Variants in ASPDH observed in about 807,000 individuals in gnomAD.
The protein encoded by ASPDH is aspartate dehydrogenase domain-containing protein.
In ASPDH, 25 loss-of-function variants were observed where a neutral mutation model predicts 30.5. That is an observed-to-expected ratio of 0.82 (90% CI 0.60 to 1.14). ASPDH has a LOEUF of 1.14. Ranked by LOEUF, ASPDH falls within the 50% of genes most tolerant of loss-of-function variation. The pLI, the probability that ASPDH is intolerant of heterozygous loss-of-function variation, is 0.00. For missense variants in ASPDH, 401 were observed against 381.5 expected, an observed-to-expected ratio of 1.05 and a Z score of -0.43; for synonymous variants, 168 against 156.3, an observed-to-expected ratio of 1.07 and a Z score of -0.56.
Position 50,512,138 on chromosome 19 carries a change from A to G in ASPDH, c.806T>C (p.Leu269Pro), listed in dbSNP as rs1979946613. 6.4e-6 allele frequency: 10 copies of G among 1,551,904 alleles called. No individual in the cohort carries two copies. The highest frequency in any genetic ancestry group is 8.7e-6 in the Non-Finnish European group (10 of 1,155,092). The part of the protein sequence containing the change: ...ATVTAFWQSL[L>P]ACCQLPSRPG... ...GGGGGAGAGGGGCCTGGCCGCACCC[A>G]GGAGGCTCTGCCAGAAGGCCGTGAC... Residue 269 changes from leucine to proline, a missense_variant and splice_region_variant, in exon 6 of 7, where the codon CTG becomes CCG. Transcript: ENST00000389208.
chr19:50,511,950 G>GCACAGAGACTCAGGGAACGCGGA, intron 6 of ASPDH, 177 bp from the exon 7 acceptor site: 1 of 665,098 alleles, frequency 1.5e-6, no homozygotes, highest in East Asian at 2.9e-5. Flanking sequence ...TCAGAGGCGG[G>GCACAGAGACTCAGGGAACGCGGA]CACAAATGGA....
intron 6 of ASPDH, 166 bp from the exon 7 acceptor site, chr19:50,511,939 A>T: frequency 1.3e-6 from 1 of 794,668 alleles, no homozygotes; most frequent in Non-Finnish European, 1.9e-6. Context: ...GAGAGTCTCG[A>T]TCAGAGGCGG....
chr19:50,512,195 G>T lies in ASPDH; in HGVS notation c.749C>A (p.Ala250Asp). 6.2e-7 allele frequency: 1 copy of T among 1,606,836 alleles called. No individual in the cohort carries two copies. Among genetic ancestry groups the T allele is most frequent in the Non-Finnish European group, 8.5e-7 (1 of 1,178,220 alleles). Residue 250 changes from alanine to aspartate, a missense_variant, in exon 6 of 7, where the codon GCC becomes GAC. Ala to Asp is a moderately radical substitution (Grantham distance 126, BLOSUM62 -2). Coordinates refer to ENST00000389208, the MANE Select transcript of ASPDH (RefSeq NM_001114598.2). Reference sequence around the variant, plus strand: ...GGAGCCGGTGACCGCGCCTGGCTCGGCAGGGTTCTCTCTGCGGGTGTGCAC... The same window carrying T: ...GGAGCCGGTGACCGCGCCTGGCTCGTCAGGGTTCTCTCTGCGGGTGTGCAC... Reference protein sequence around the residue: ...FAVHTRRENPAEPGAVTGSAT... With the variant: ...FAVHTRRENPDEPGAVTGSAT...
At position 50,512,683 on chromosome 19, in the gene ASPDH, A is replaced by G. The variant is rs2122731941; in HGVS notation, c.410T>C (p.Leu137Ser). 6.5e-7 allele frequency: 1 copy of G among 1,548,402 alleles called. No homozygotes were observed. The highest frequency in any genetic ancestry group is 2.4e-5 in the East Asian group (1 of 41,036). Residue 137 changes from leucine to serine, a missense_variant, in exon 4 of 7, where the codon TTG becomes TCG. Transcript: ENST00000389208. ...CACCCGGAGGCCCCCAGCTGCATCC[A>G]ATCTCCTGATGTCCTCAGCGCCCCA... ...ALWGAEDIRRLDAAGGLRSLR... is the reference protein window; with the variant it reads ...ALWGAEDIRRSDAAGGLRSLR...
Position 50,513,738 on chromosome 19 carries a change from T to C in ASPDH, c.52+34A>G. On this transcript the variant is annotated intron_variant, in intron 1 of 6. Coordinates refer to ENST00000389208, the MANE Select transcript of ASPDH (RefSeq NM_001114598.2). This position sits in a 1 kb window ranked among gnomAD's most constrained non-coding sequence, Gnocchi z 4.9. ...GTCTTGGGAGCTTTAGGAAGGGGTT[T>C]GGGGAAGGAGGCCAAGGATGGTCAG... 6.8e-7 allele frequency: 1 copy of C among 1,467,912 alleles called. No individual in the cohort carries two copies. Among genetic ancestry groups the C allele is most frequent in the African/African-American group, 1.4e-5 (1 of 71,334 alleles). The allele number at this position is 1,467,912 out of a possible 1,614,324, so 90.9% of individuals were successfully genotyped here. A position where few individuals can be genotyped will look rare whatever the true frequency, so the allele number is the denominator to read the frequency against.
At position 50,512,274 on chromosome 19, in the gene ASPDH, C is replaced by T. The variant is rs1297276111; in HGVS notation, c.670G>A (p.Val224Met). 3.7e-6 allele frequency: 6 copies of T among 1,613,536 alleles called. No individual in the cohort carries two copies. The South Asian group carries it at 6.6e-5, about 18-fold the overall frequency. ...VADTSLTDMHVVDVELSGPRG... is the reference protein window; with the variant it reads ...VADTSLTDMHMVDVELSGPRG... ...GGTCCGCTCAGCTCTACATCCACCACGTGCATGTCCGTGAGGCTGGGACAA... is the reference window on the plus strand; with the variant it reads ...GGTCCGCTCAGCTCTACATCCACCATGTGCATGTCCGTGAGGCTGGGACAA... The change falls in exon 6 of 7, where the codon GTG (valine) becomes ATG (methionine). Residue 224 changes from valine to methionine, a missense_variant. Val to Met is a conservative substitution (Grantham distance 21). Transcript: ENST00000389208.
At position 50,513,399 on chromosome 19, in the gene ASPDH, G is replaced by A. The variant is rs376477597; in HGVS notation, c.70C>T (p.Arg24Cys). ...YGRLGQSLVS[R>C]LLAQGPELGL... ...AGTTCTGGTCCCTGAGCCAAGAGGC[G>A]GGAGACGAGGGACTGTCCTGGGGAG... Residue 24 changes from arginine to cysteine, a missense_variant, in exon 2 of 7, where the codon CGC becomes TGC. Transcript: ENST00000389208. This position sits in a 1 kb window ranked among gnomAD's most constrained non-coding sequence, Gnocchi z 4.9. 62 of 1,516,132 alleles carry A rather than the reference G, an allele frequency of 4.1e-5. 1 individual carries two copies. In the South Asian group the frequency reaches 6.3e-4, roughly 16 times the overall value. The allele number at this position is 1,516,132 out of a possible 1,614,324, so 93.9% of individuals were successfully genotyped here.
At chr19:50,514,600 A>G (rs1407656457), upstream of ASPDH, 3 of 1,608,416 alleles carry the variant, frequency 1.9e-6, no homozygotes, top group Admixed American at 3.3e-5. Flanking sequence ...GAAGCCTTCG[A>G]GGCCTGGAGA....
Position 50,513,071 on chromosome 19 carries a change from G to C in ASPDH, c.198-60C>G, listed in dbSNP as rs757290388. 1.9e-5 allele frequency: 28 copies of C among 1,449,232 alleles called. No homozygotes were observed. The highest frequency in any genetic ancestry group is 2.3e-5 in the Non-Finnish European group (24 of 1,056,408). The allele number at this position is 1,449,232 out of a possible 1,614,324, so 89.8% of individuals were successfully genotyped here. ...GAGGTATTAGGCCTCTTCTCCCCAA[G>C]GTTCCCTCCGAGTCTACTGAGGGCT... On this transcript the variant is annotated intron_variant, in intron 2 of 6. Coordinates refer to ENST00000389208, the MANE Select transcript of ASPDH (RefSeq NM_001114598.2). The surrounding 1 kb of genome is among the most constrained non-coding windows in gnomAD (Gnocchi z 4.9).
upstream of ASPDH, chr19:50,514,810 G>A (rs189741338): frequency 2.7e-5 from 34 of 1,255,582 alleles, no homozygotes; most frequent in African/African-American, 3.1e-4. Flanking sequence ...TGGGGTGGGG[G>A]GGGCGGGCAC....
intron 6 of ASPDH, 37 bp from the exon 7 acceptor site, chr19:50,511,810 A>C: frequency 7.8e-7 from 1 of 1,277,112 alleles, no homozygotes; most frequent in Non-Finnish European, 1.0e-6. Context: ...GAGACAGAGG[A>C]GAGATGAGGA....
chr19:50,512,869 G>A, intron 3 of ASPDH, 58 bp downstream of exon 3: 3 of 1,599,054 alleles, frequency 1.9e-6, no homozygotes, highest in Non-Finnish European at 1.7e-6. Context: ...CTTCAGGGTG[G>A]GGTGAGACCA....
upstream of ASPDH, chr19:50,514,580 C>T (rs768391751): frequency 2.3e-4 from 368 of 1,612,236 alleles, no homozygotes; most frequent in Non-Finnish European, 3.0e-4. Context: ...CAGCTCGCGT[C>T]AGCCCAGGAG....
Position 50,513,483 on chromosome 19 carries a change from A to G in ASPDH, c.53-67T>C, listed in dbSNP as rs1018309104. On this transcript the variant is annotated intron_variant, in intron 1 of 6. Coordinates refer to ENST00000389208, the MANE Select transcript of ASPDH (RefSeq NM_001114598.2). This position sits in a 1 kb window ranked among gnomAD's most constrained non-coding sequence, Gnocchi z 4.9. ...GGGGACAGAGACCCAGAGAGAGAGG[A>G]GGTGGGGACAGAGACCCAGAGAGAG... The G allele has an allele frequency of 4.2e-6, 6 of 1,411,938 alleles. No homozygotes were observed. In the Middle Eastern group the frequency reaches 6.0e-4, roughly 142 times the overall value. The allele number at this position is 1,411,938 out of a possible 1,614,324, so 87.5% of individuals were successfully genotyped here. A position where few individuals can be genotyped will look rare whatever the true frequency, so the allele number is the denominator to read the frequency against.
At chr19:50,514,662 G>A, upstream of ASPDH, 1 of 1,562,212 alleles carries the variant, frequency 6.4e-7, no homozygotes, top group Non-Finnish European at 8.6e-7. Flanking sequence ...AGGGTGCCTG[G>A]CATCGGAAAT....
At chr19:50,512,868 G>C in intron 3 of ASPDH, 58 bp from the exon 4 acceptor site, 13 of 1,598,674 alleles carry the variant, frequency 8.1e-6, no homozygotes, top group Non-Finnish European at 1.1e-5. Flanking sequence ...ACTTCAGGGT[G>C]GGGTGAGACC....
chr19:50,514,962 G>C, upstream of ASPDH: 1 of 985,436 alleles, frequency 1.0e-6, no homozygotes, highest in Non-Finnish European at 1.2e-6. Flanking sequence ...AGGAGCCCCC[G>C]GTGTGGGAGA....
At chr19:50,513,964 T>G, upstream of ASPDH, 2 of 1,051,176 alleles carry the variant, frequency 1.9e-6, no homozygotes, top group Non-Finnish European at 1.3e-6. The surrounding 1 kb of genome is among the most constrained non-coding windows in gnomAD (Gnocchi z 4.9). Flanking sequence ...AGGCCCAGCG[T>G]GGGGGCGTGG....
Position 50,512,907 on chromosome 19 carries a change from A to G in ASPDH, c.282+20T>C. On this transcript the variant is annotated intron_variant, in intron 3 of 6. Coordinates refer to ENST00000389208, the MANE Select transcript of ASPDH (RefSeq NM_001114598.2). ...ACAGAAGGGGCAGGGCTCTGCGTAA[A>G]TGGTTGGGGTGGGGCTTACCAGGAG... 11 of 1,609,808 alleles carry G rather than the reference A, an allele frequency of 6.8e-6. No homozygotes were observed. Among genetic ancestry groups the G allele is most frequent in the Non-Finnish European group, 9.3e-6 (11 of 1,177,626 alleles).
Sources: gnomAD v4.1 joint callset for allele counts on GRCh38, gnomAD v4.1.1 for gene constraint, Gnocchi (gnomAD v3.1) non-coding constraint, MANE v1.5 for transcripts, NCBI Gene and HGNC (gene_info 2026-07-23, HGNC 2026-07-21) for gene names.